Variants in PCDH15 observed in about 807,000 individuals in gnomAD.
The protein encoded by PCDH15 is protocadherin-15.
Under a neutral mutation model 178.5 loss-of-function variants are expected in PCDH15, and 129 were observed. The observed-to-expected ratio is 0.72, with a 90% CI of 0.63 to 0.84. The LOEUF (loss-of-function observed/expected upper bound fraction) is 0.84. Ranked by LOEUF, PCDH15 falls within the 40% of genes least tolerant of loss-of-function variation. The pLI, the probability that PCDH15 is intolerant of heterozygous loss-of-function variation, is 0.00. For synonymous variants in PCDH15, 800 were observed against 732.0 expected, an observed-to-expected ratio of 1.09 and a Z score of -1.50; for missense variants, 2,230 against 2,099.9, an observed-to-expected ratio of 1.06 and a Z score of -1.21.
intron 2 of PCDH15, among the ~76,000 whole-genome samples, chr10:54,532,935 G>A (rs960640899): frequency 2.0e-5 from 3 of 152,144 alleles, no homozygotes; most frequent in Admixed American, 1.3e-4. Flanking sequence ...GTGAGTGTGG[G>A]TGTGTGTGTG....
intron 2 of PCDH15, among the ~76,000 whole-genome samples, chr10:55,070,581 A>G (rs1385349173): frequency 6.6e-6 from 1 of 152,120 alleles, no homozygotes; most frequent in Non-Finnish European, 1.5e-5. Flanking sequence ...GAAAGATCAG[A>G]TAGTTGTAGA....
chr10:54,782,413 A>G (rs1456429743), intron 1 of PCDH15, among the ~76,000 whole-genome samples: 1 of 152,124 alleles, frequency 6.6e-6, no homozygotes, highest in African/African-American at 2.4e-5. Flanking sequence ...ACTAAAATCA[A>G]TGCTATTGTT....
chr10:54,439,726 C>CA (rs139406215), intron 3 of PCDH15, among the ~76,000 whole-genome samples: 6,800 of 151,792 alleles, frequency 0.045, 514 homozygotes, highest in African/African-American at 0.16. Flanking sequence ...TTTTGCCCAG[C>CA]AAAAAACCCA....
chr10:55,350,649 C>T (rs996661216), intron 2 of PCDH15, among the ~76,000 whole-genome samples: 1 of 151,972 alleles, frequency 6.6e-6, no homozygotes, highest in East Asian at 1.9e-4. Context: ...AAAAAACAAG[C>T]AGGTGCTGAC....
chr10:55,165,237 T>G lies in PCDH15; in HGVS notation c.-80+1339A>C, dbSNP rs559898032. On this transcript the variant is annotated intron_variant, in intron 2 of 5. Transcript: ENST00000458638. ...CTTTAAAACAATTTCATGTGATTTT[T>G]TTGCATGAAAAAATTATATCTGAAA... 1.8e-4 allele frequency among the ~76,000 whole-genome samples: 28 copies of G among 152,112 alleles called. No homozygotes were observed. The South Asian group carries it at 5.4e-3, about 29-fold the overall frequency.
chr10:54,844,313 T>C (rs1386232828), intron 3 of PCDH15, among the ~76,000 whole-genome samples: 1 of 152,016 alleles, frequency 6.6e-6, no homozygotes, highest in Non-Finnish European at 1.5e-5. Context: ...AAAATCAAGA[T>C]ACAGTACATT....
At position 54,036,659 on chromosome 10, in the gene PCDH15, TA is replaced by T. The variant is rs545860491; in HGVS notation, c.2221-13463del. Among the ~76,000 whole-genome samples, 683 of 152,060 alleles carry T rather than the reference TA, an allele frequency of 4.5e-3. 6 individuals carry two copies. Among genetic ancestry groups the T allele is most frequent in the Non-Finnish European group, 6.8e-3 (462 of 67,916 alleles). On this transcript the variant is annotated intron_variant, in intron 18 of 37. Coordinates refer to ENST00000644397, the MANE Select transcript of PCDH15 (RefSeq NM_001384140.1). ...TCACTCAAGAGTTCTGATGGAGATG[TA>T]AAAGGACATCAGTGTTGTTTTCTTG...
chr10:54,027,362 T>A (rs930598061), intron 18 of PCDH15, among the ~76,000 whole-genome samples: 5 of 151,974 alleles, frequency 3.3e-5, no homozygotes, highest in Non-Finnish European at 7.4e-5. Context: ...ATGGCCATAC[T>A]GCCCAAAGTA....
At chr10:54,180,691 A>G (rs796282403) in intron 13 of PCDH15, among the ~76,000 whole-genome samples, 3 of 152,320 alleles carry the variant, frequency 2.0e-5, no homozygotes, top group East Asian at 1.9e-4. Flanking sequence ...TATTCTCTCA[A>G]TGAGAACTAG....
chr10:55,394,805 A>G (rs966296729), intron 2 of PCDH15, among the ~76,000 whole-genome samples: 4 of 152,124 alleles, frequency 2.6e-5, no homozygotes, highest in Non-Finnish European at 5.9e-5. Flanking sequence ...ATAAAAATCA[A>G]CAAACATCAA....
intron 2 of PCDH15, among the ~76,000 whole-genome samples, chr10:54,629,802 A>T (rs1330369170): frequency 6.6e-6 from 1 of 151,970 alleles, no homozygotes; most frequent in African/African-American, 2.4e-5. Context: ...AGTCAAATTA[A>T]CTCTCTTTGG....
intron 18 of PCDH15, among the ~76,000 whole-genome samples, chr10:54,065,997 G>C (rs149327838): frequency 6.6e-6 from 1 of 152,148 alleles, no homozygotes; most frequent in Non-Finnish European, 1.5e-5. Context: ...GTAGGACCCT[G>C]AACTCTGGGT....
At chr10:55,588,163 T>G in intron 2 of PCDH15, among the ~76,000 whole-genome samples, 1 of 152,196 alleles carries the variant, frequency 6.6e-6, no homozygotes, top group Non-Finnish European at 1.5e-5. Context: ...CTCTGTCACC[T>G]TATTAGCAAA....
intron 21 of PCDH15, among the ~76,000 whole-genome samples, chr10:53,988,176 G>A (rs1015788516): frequency 1.3e-5 from 2 of 152,038 alleles, no homozygotes; most frequent in African/African-American, 4.8e-5. Flanking sequence ...TCCTTCTCAC[G>A]GAGTTGCTGA....
chr10:54,226,183 G>T (rs543552143), intron 9 of PCDH15, among the ~76,000 whole-genome samples: 15 of 152,316 alleles, frequency 9.8e-5, no homozygotes, highest in Admixed American at 9.1e-4. Flanking sequence ...GTTCCACGTG[G>T]CTGGAGCCTC....
At chr10:53,822,580 C>G (rs959725705) in intron 32 of PCDH15, 4 of 1,613,946 alleles carry the variant, frequency 2.5e-6, no homozygotes, top group African/African-American at 1.3e-5. Flanking sequence ...ATAGGTGTCT[C>G]TCTCCTAGAG....
intron 3 of PCDH15, among the ~76,000 whole-genome samples, chr10:54,842,163 GA>G (rs1306853858): frequency 7.3e-6 from 1 of 136,980 alleles, no homozygotes; most frequent in African/African-American, 2.7e-5. Flanking sequence ...AAAGAGAAAG[GA>G]AAAGTGTGTG....
At chr10:55,051,023 T>G (rs1591860161) in intron 2 of PCDH15, among the ~76,000 whole-genome samples, 1 of 152,268 alleles carries the variant, frequency 6.6e-6, no homozygotes, top group African/African-American at 2.4e-5. Flanking sequence ...GCCATGTAAC[T>G]ACTGCTAATT....
chr10:53,825,917 T>G (rs1186231863), intron 32 of PCDH15, among the ~76,000 whole-genome samples: 2 of 151,614 alleles, frequency 1.3e-5, no homozygotes, highest in African/African-American at 4.8e-5. Flanking sequence ...TATTGCTATT[T>G]GAAAATTACT....
Sources: gnomAD v4.1 joint callset for allele counts (sites outside exome capture counted in the v4.1 genomes callset) on GRCh38, gnomAD v4.1.1 for gene constraint, MANE v1.5 for transcripts, NCBI Gene and HGNC (gene_info 2026-07-23, HGNC 2026-07-21) for gene names.